Variants in SDK1 observed in about 807,000 individuals in gnomAD.
The protein encoded by SDK1 is protein sidekick-1.
Under a neutral mutation model 245.5 loss-of-function variants are expected in SDK1, and 157 were observed. The ratio of observed to expected loss-of-function variants is 0.64; its 90% CI spans 0.56 to 0.73. The LOEUF is 0.73. Ranked by LOEUF, SDK1 falls within the 30% of genes least tolerant of loss-of-function variation. The pLI, the probability that SDK1 is intolerant of heterozygous loss-of-function variation, is 0.00. For missense variants in SDK1, 3,583 were observed against 3,002.3 expected (o/e 1.19, Z -4.52); for synonymous variants, 1,647 against 1,278.5 (o/e 1.29, Z -6.15).
chr7:3,497,295 C>G (rs1782054860), intron 1 of SDK1, among the ~76,000 whole-genome samples: 1 of 152,168 alleles, frequency 6.6e-6, no homozygotes, highest in Non-Finnish European at 1.5e-5. Context: ...AAAATGTACG[C>G]AAGGGGACTG....
At chr7:3,381,319 A>G (rs1343078231) in intron 1 of SDK1, among the ~76,000 whole-genome samples, 1 of 152,108 alleles carries the variant, frequency 6.6e-6, no homozygotes, top group East Asian at 1.9e-4. Context: ...TATGCTGGCG[A>G]GTGAAGTCCA....
At chr7:3,713,289 G>A (rs1285079114) in intron 4 of SDK1, among the ~76,000 whole-genome samples, 1 of 152,228 alleles carries the variant, frequency 6.6e-6, no homozygotes, top group African/African-American at 2.4e-5. Context: ...CTCAGGCTCT[G>A]TGTTGTGATA....
chr7:4,212,562 G>T (rs1218555987), intron 38 of SDK1, among the ~76,000 whole-genome samples: 2 of 152,236 alleles, frequency 1.3e-5, no homozygotes, highest in South Asian at 4.1e-4. Context: ...GCCAGGATCT[G>T]TTGTGACCTT....
At chr7:4,149,901 G>T (rs1780240178) in intron 30 of SDK1, among the ~76,000 whole-genome samples, 1 of 152,168 alleles carries the variant, frequency 6.6e-6, no homozygotes, top group South Asian at 2.1e-4. Context: ...GCAGGGAGAT[G>T]GATGGCACCA....
chr7:4,249,841 T>C (rs1419850873), intron 44 of SDK1, among the ~76,000 whole-genome samples: 1 of 152,206 alleles, frequency 6.6e-6, no homozygotes, highest in African/African-American at 2.4e-5. Context: ...TAACATTCAC[T>C]TTGAACCACT....
chr7:3,871,354 A>G (rs796968904), intron 5 of SDK1, among the ~76,000 whole-genome samples: 1 of 152,210 alleles, frequency 6.6e-6, no homozygotes, highest in Non-Finnish European at 1.5e-5. Flanking sequence ...CAATCACTTC[A>G]TCTGTGAATA....
chr7:3,411,915 A>G (rs1779220376), intron 1 of SDK1, among the ~76,000 whole-genome samples: 1 of 152,148 alleles, frequency 6.6e-6, no homozygotes, highest in Non-Finnish European at 1.5e-5. Context: ...TCTTACGGGT[A>G]TTCCTAGGAA....
At chr7:3,595,829 A>G (rs1278069576) in intron 1 of SDK1, among the ~76,000 whole-genome samples, 1 of 1,312 alleles carries the variant, frequency 7.6e-4, no homozygotes, top group Admixed American at 8.6e-3. Context: ...ACTTCATCTC[A>G]AAAAAAAAAA....
intron 1 of SDK1, among the ~76,000 whole-genome samples, chr7:3,422,582 C>G (rs1412091260): frequency 6.6e-6 from 1 of 152,110 alleles, no homozygotes; most frequent in African/African-American, 2.4e-5. Context: ...TGCTTGAGCT[C>G]AGAAGTTCGA....
chr7:3,749,510 A>C (rs1213818860), intron 4 of SDK1, among the ~76,000 whole-genome samples: 1 of 152,200 alleles, frequency 6.6e-6, no homozygotes, highest in Non-Finnish European at 1.5e-5. Context: ...CATGTTATCC[A>C]GGCTGGTCTC....
chr7:3,759,561 GT>G (rs1158967271), intron 4 of SDK1, among the ~76,000 whole-genome samples: 1 of 150,250 alleles, frequency 6.7e-6, no homozygotes, highest in African/African-American at 2.5e-5. Context: ...AGTTTTCTCT[GT>G]TTTTTCTTTT....
At chr7:3,653,853 A>G (rs1229046161) in intron 4 of SDK1, among the ~76,000 whole-genome samples, 8 of 152,092 alleles carry the variant, frequency 5.3e-5, no homozygotes, top group African/African-American at 1.7e-4. Flanking sequence ...GCTCTGTTGC[A>G]CTTCAGCTTC....
intron 1 of SDK1, among the ~76,000 whole-genome samples, chr7:3,461,616 T>C (rs975407204): frequency 6.6e-6 from 1 of 152,202 alleles, no homozygotes; most frequent in African/African-American, 2.4e-5. Context: ...TTGGTCATTG[T>C]TGAACTGTTG....
chr7:3,461,569 G>T (rs973634998), intron 1 of SDK1, among the ~76,000 whole-genome samples: 1 of 152,160 alleles, frequency 6.6e-6, no homozygotes, highest in Admixed American at 6.6e-5. Context: ...TAAAAATCTG[G>T]ATTAGAATCC....
intron 1 of SDK1, among the ~76,000 whole-genome samples, chr7:3,315,439 G>C (rs1246108494): frequency 1.3e-5 from 2 of 152,120 alleles, no homozygotes; most frequent in African/African-American, 4.8e-5. Flanking sequence ...CCTGTTCCTA[G>C]TCCTCTCCAC....
intron 1 of SDK1, among the ~76,000 whole-genome samples, chr7:3,319,150 A>G (rs1027813967): frequency 6.6e-6 from 1 of 152,242 alleles, no homozygotes; most frequent in South Asian, 2.1e-4. Flanking sequence ...TGGTGTATGT[A>G]TGTGTGGAAA....
intron 25 of SDK1, among the ~76,000 whole-genome samples, chr7:4,121,080 G>C (rs1317209675): frequency 6.6e-6 from 1 of 151,620 alleles, no homozygotes; most frequent in East Asian, 1.9e-4. Context: ...TGTATTCCAG[G>C]GTTTTTCTTC....
At chr7:3,942,310 C>T (rs1004812077) in intron 5 of SDK1, among the ~76,000 whole-genome samples, 6 of 152,198 alleles carry the variant, frequency 3.9e-5, no homozygotes, top group African/African-American at 1.4e-4. Context: ...CCTTATTTCA[C>T]ATGGACCAGC....
intron 22 of SDK1, among the ~76,000 whole-genome samples, chr7:4,109,222 C>T (rs1255495677): frequency 6.6e-6 from 1 of 152,128 alleles, no homozygotes; most frequent in Admixed American, 6.5e-5. Context: ...CTGTGTGTAG[C>T]TTTTGGAGGA....
Sources: gnomAD v4.1 joint callset for allele counts (sites outside exome capture counted in the v4.1 genomes callset) on GRCh38, gnomAD v4.1.1 for gene constraint, MANE v1.5 for transcripts, NCBI Gene and HGNC (gene_info 2026-07-23, HGNC 2026-07-21) for gene names.